PISD: variants seen among roughly 807,000 people sequenced by gnomAD.
PISD encodes phosphatidylserine decarboxylase proenzyme, mitochondrial.
Under a neutral mutation model 43.5 loss-of-function variants are expected in PISD, and 31 were observed. That is an observed-to-expected ratio of 0.71 (90% CI 0.54 to 0.96). The LOEUF (loss-of-function observed/expected upper bound fraction) is 0.96. Among genes scored for constraint, PISD ranks in the 40% least tolerant of loss-of-function variants. The pLI is 0.00. For synonymous variants in PISD, 259 were observed against 228.7 expected, an observed-to-expected ratio of 1.13 and a Z score of -1.20; for missense variants, 523 against 548.4, an observed-to-expected ratio of 0.95 and a Z score of 0.46.
chr22:31,636,433 T>G (rs2073437626), intron 3 of PISD, among the ~76,000 whole-genome samples: 1 of 152,134 alleles, frequency 6.6e-6, no homozygotes, highest in African/African-American at 2.4e-5. Flanking sequence ...GGGCCATGCC[T>G]CAAAACAATA....
intron 3 of PISD, among the ~76,000 whole-genome samples, chr22:31,643,122 AAT>A (rs1569489753): frequency 1.4e-4 from 21 of 147,454 alleles, no homozygotes; most frequent in East Asian, 5.9e-4. Context: ...AAAAAAAGAA[AAT>A]AGAGATAAAG....
At chr22:31,661,553 T>C (rs140722465) in intron 1 of PISD, among the ~76,000 whole-genome samples, 1 of 151,978 alleles carries the variant, frequency 6.6e-6, no homozygotes, top group African/African-American at 2.4e-5. Context: ...CTTGAGCAAA[T>C]CCCTCCCTCT....
chr22:31,647,440 C>A (rs961718153), intron 3 of PISD, among the ~76,000 whole-genome samples: 4 of 152,126 alleles, frequency 2.6e-5, no homozygotes, highest in African/African-American at 9.7e-5. Context: ...CTCTTTTGCC[C>A]AGAATATTAA....
At chr22:31,645,892 A>C (rs1036346580) in intron 3 of PISD, among the ~76,000 whole-genome samples, 5 of 151,012 alleles carry the variant, frequency 3.3e-5, no homozygotes, top group African/African-American at 9.7e-5. Flanking sequence ...CAAAACAAAT[A>C]AAATAAAATA....
intron 6 of PISD, 110 bp downstream of exon 6, chr22:31,620,886 C>G: frequency 7.1e-7 from 1 of 1,410,846 alleles, no homozygotes; most frequent in Non-Finnish European, 9.5e-7. Context: ...GCAGTCAACT[C>G]CTGGCCTCAA....
At chr22:31,631,787 CT>C (rs1217471324) in intron 3 of PISD, among the ~76,000 whole-genome samples, 1 of 152,256 alleles carries the variant, frequency 6.6e-6, no homozygotes, top group Non-Finnish European at 1.5e-5. Flanking sequence ...TTGTTCACAT[CT>C]GTGGGAGCAA....
chr22:31,619,828 G>C lies in PISD; in HGVS notation c.1014C>G (p.His338Gln), dbSNP rs202078412. 5 of 1,612,726 alleles carry C rather than the reference G, an allele frequency of 3.1e-6. No homozygotes were observed. The highest frequency in any genetic ancestry group is 4.2e-6 in the Non-Finnish European group (5 of 1,178,954). The change falls in exon 8 of 8, where the codon CAC becomes CAG. Residue 338 changes from histidine to glutamine, a missense_variant. By Grantham distance (24) the His-to-Gln change is conservative (BLOSUM62 0). Coordinates refer to ENST00000439502, the MANE Select transcript of PISD (RefSeq NM_001326411.2). The part of the protein sequence containing the change: ...SIRIYFDRDL[H>Q]TNSPRHSKGS... The stretch of plus-strand genomic sequence containing the variant: ...CCTTGCTGTGCCTTGGGCTGTTTGT[G>C]TGCAGGTCCTGTGGTGATAGGCTGG...
At position 31,650,748 on chromosome 22, in the gene PISD, GCTCAGGGCAGTGATCTCA is replaced by G; in HGVS notation, c.78_95del (p.Glu27_Ser32del). 6.4e-7 allele frequency: 1 copy of G among 1,555,382 alleles called. No homozygotes were observed. The highest frequency in any genetic ancestry group is 8.7e-7 in the Non-Finnish European group (1 of 1,149,250). On this transcript the variant is annotated inframe_deletion, in exon 2 of 8. Coordinates refer to ENST00000439502, the MANE Select transcript of PISD (RefSeq NM_001326411.2). ...GCTTCCGTAAGGGCTGTAGGGATTG[GCTCAGGGCAGTGATCTCA>G]CAGGGATGGAGGCTATAACCAAGCA... is the stretch of plus-strand genomic sequence containing the variant.
chr22:31,640,567 GTTTGGTTGTTTTTTTTTT>G (rs2073664571), intron 3 of PISD, among the ~76,000 whole-genome samples: 2 of 126,334 alleles, frequency 1.6e-5, no homozygotes, highest in Non-Finnish European at 3.2e-5. Flanking sequence ...TTTTGTTTCG[GTTTGGTTGTTTTTTTTTT>G]TTTTTTTTTT....
chr22:31,651,423 ATTTGGGAATTCTATGTACT>A (rs1269138897), intron 1 of PISD, among the ~76,000 whole-genome samples: 1 of 152,216 alleles, frequency 6.6e-6, no homozygotes, highest in East Asian at 1.9e-4. Context: ...GGTAAAAGGT[ATTTGGGAATTCTATGTACT>A]ATTTCTATAA....
intron 3 of PISD, among the ~76,000 whole-genome samples, chr22:31,638,119 G>C (rs1480730320): frequency 6.6e-6 from 1 of 152,230 alleles, no homozygotes; most frequent in Non-Finnish European, 1.5e-5. Context: ...GATGTATTTT[G>C]GCTGTGCCTG....
In PISD at chr22:31,618,558, C is replaced by A; in HGVS notation, c.*1054G>T. ...AATGAATTACTGTTCAGAAGTCTCC[C>A]ACTTTTCATACAAAAATACTGTGCT... On this transcript the variant is annotated 3_prime_UTR_variant, in exon 8 of 8. Coordinates refer to ENST00000439502, the MANE Select transcript of PISD (RefSeq NM_001326411.2). 2.4e-6 allele frequency: 2 copies of A among 844,100 alleles called. No homozygotes were observed. The highest frequency in any genetic ancestry group is 3.4e-6 in the Non-Finnish European group (2 of 593,046). The allele number at this position is 844,100 out of a possible 1,614,324, so 52.3% of individuals were successfully genotyped here. A position where few individuals can be genotyped will look rare whatever the true frequency, so the allele number is the denominator to read the frequency against.
intron 3 of PISD, 148 bp downstream of exon 3, chr22:31,647,953 C>A: frequency 1.5e-6 from 1 of 675,260 alleles, no homozygotes; most frequent in South Asian, 1.9e-5. Flanking sequence ...AAAGTTATAA[C>A]TCCTGTATCT....
intron 3 of PISD, among the ~76,000 whole-genome samples, chr22:31,644,803 T>A (rs964857082): frequency 2.6e-5 from 4 of 152,164 alleles, no homozygotes; most frequent in African/African-American, 9.7e-5. Flanking sequence ...AAATTCCACA[T>A]CTGATGTCAT....
chr22:31,631,909 C>CT (rs1454117323), intron 3 of PISD, among the ~76,000 whole-genome samples: 1 of 152,188 alleles, frequency 6.6e-6, no homozygotes, highest in Non-Finnish European at 1.5e-5. Context: ...CCACTGAGAT[C>CT]TTTGTTTCTA....
chr22:31,629,661 C>G, intron 3 of PISD: 1 of 149,694 alleles, frequency 6.7e-6, no homozygotes, highest in Non-Finnish European at 1.5e-5. Flanking sequence ...TGTGTAGGTG[C>G]AGGGGTGTGT....
At chr22:31,653,540 C>G (rs2074088985) in intron 1 of PISD, among the ~76,000 whole-genome samples, 1 of 152,242 alleles carries the variant, frequency 6.6e-6, no homozygotes, top group Non-Finnish European at 1.5e-5. Context: ...TCTTCCCCCT[C>G]AGGAACCCTG....
chr22:31,619,825 T>C lies in PISD; in HGVS notation c.1017A>G (p.Thr339=). The change falls in exon 8 of 8, where the codon ACA becomes ACG. Residue 339 remains threonine, a synonymous_variant. Transcript: ENST00000439502. The part of the protein sequence containing the change: ...IRIYFDRDLH[T]NSPRHSKGSY... ...AGCCCTTGCTGTGCCTTGGGCTGTTTGTGTGCAGGTCCTGTGGTGATAGGC... is the reference window on the plus strand; with the variant it reads ...AGCCCTTGCTGTGCCTTGGGCTGTTCGTGTGCAGGTCCTGTGGTGATAGGC... 2 of 1,613,252 alleles carry C rather than the reference T, an allele frequency of 1.2e-6. No homozygotes were observed. The highest frequency in any genetic ancestry group is 1.7e-6 in the Non-Finnish European group (2 of 1,179,360).
At chr22:31,624,654 GACACAC>G (rs769817542) in intron 3 of PISD, among the ~76,000 whole-genome samples, 14 of 132,734 alleles carry the variant, frequency 1.1e-4, no homozygotes, top group Admixed American at 2.3e-4. Context: ...TGCACAGACA[GACACAC>G]ACACACACAC....
Sources: gnomAD v4.1 joint callset for allele counts (sites outside exome capture counted in the v4.1 genomes callset) on GRCh38, gnomAD v4.1.1 for gene constraint, MANE v1.5 for transcripts, NCBI Gene and HGNC (gene_info 2026-07-23, HGNC 2026-07-21) for gene names.